RBFOX1: variants seen among roughly 807,000 people sequenced by gnomAD.
The protein encoded by RBFOX1 is RNA binding fox-1 homolog 1.
In RBFOX1, 8 loss-of-function variants were observed where a neutral mutation model predicts 57.7. The observed-to-expected ratio is 0.14, with a 90% CI of 0.08 to 0.25. The LOEUF (loss-of-function observed/expected upper bound fraction) is 0.25, where lower values mean the gene tolerates loss of function less well. Among genes scored for constraint, RBFOX1 ranks in the 10% least tolerant of loss-of-function variants. RBFOX1 has a pLI of 1.00. For synonymous variants in RBFOX1, 326 were observed against 222.4 expected (o/e 1.47, Z -4.15); for missense variants, 611 against 548.5 (o/e 1.11, Z -1.14).
At chr16:5,272,830 C>T (rs1468212737) in intron 1 of RBFOX1, among the ~76,000 whole-genome samples, 1 of 152,168 alleles carries the variant, frequency 6.6e-6, no homozygotes, top group African/African-American at 2.4e-5. Flanking sequence ...ATAACCTTCA[C>T]TCTTCTCTGC....
intron 2 of RBFOX1, among the ~76,000 whole-genome samples, chr16:6,643,632 T>C (rs1446823517): frequency 2.0e-5 from 3 of 152,196 alleles, no homozygotes; most frequent in Admixed American, 6.5e-5. Context: ...CAGTATATTG[T>C]GTAAGGGAGA....
At chr16:7,162,810 CCTT>C (rs746864217) in intron 4 of RBFOX1, among the ~76,000 whole-genome samples, 10 of 152,140 alleles carry the variant, frequency 6.6e-5, no homozygotes, top group Admixed American at 3.3e-4. Flanking sequence ...TCCTCTTTCT[CCTT>C]CTTCCTCATC....
At chr16:7,029,336 A>G (rs1278294899) in intron 3 of RBFOX1, among the ~76,000 whole-genome samples, 1 of 149,500 alleles carries the variant, frequency 6.7e-6, no homozygotes, top group East Asian at 2.0e-4. Flanking sequence ...GAAGAGCCAG[A>G]AGAGATTGGA....
chr16:7,513,221 C>A (rs568549812), intron 4 of RBFOX1, among the ~76,000 whole-genome samples: 1 of 152,022 alleles, frequency 6.6e-6, no homozygotes, highest in African/African-American at 2.4e-5. Context: ...CGAGAGCCTA[C>A]CATTGCACTC....
chr16:7,101,254 C>G (rs1168823246), intron 4 of RBFOX1, among the ~76,000 whole-genome samples: 1 of 152,116 alleles, frequency 6.6e-6, no homozygotes, highest in Non-Finnish European at 1.5e-5. Flanking sequence ...TAGAGAGAAA[C>G]CGAGTGAGTG....
intron 4 of RBFOX1, among the ~76,000 whole-genome samples, chr16:5,956,046 G>A (rs2059632066): frequency 6.6e-6 from 1 of 152,106 alleles, no homozygotes; most frequent in Non-Finnish European, 1.5e-5. Context: ...AGGATCACTT[G>A]AGGCCAAGAT....
intron 3 of RBFOX1, among the ~76,000 whole-genome samples, chr16:5,625,547 C>CTTAT (rs57608959): frequency 5.0e-5 from 7 of 140,168 alleles, no homozygotes; most frequent in South Asian, 4.2e-4. Flanking sequence ...TATTTATTTA[C>CTTAT]TTATTTATTT....
chr16:5,315,110 G>A (rs2064199653), intron 1 of RBFOX1, among the ~76,000 whole-genome samples: 1 of 152,140 alleles, frequency 6.6e-6, no homozygotes, highest in Non-Finnish European at 1.5e-5. Flanking sequence ...AATCATGATG[G>A]AACCATTTGG....
intron 2 of RBFOX1, among the ~76,000 whole-genome samples, chr16:6,405,222 C>G (rs2093233316): frequency 6.6e-6 from 1 of 152,168 alleles, no homozygotes; most frequent in South Asian, 2.1e-4. Context: ...GAGCAGATGG[C>G]TGGGATTTTA....
chr16:6,012,575 T>C (rs1446801635), intron 4 of RBFOX1, among the ~76,000 whole-genome samples: 2 of 152,230 alleles, frequency 1.3e-5, no homozygotes, highest in East Asian at 3.8e-4. Context: ...TCAGTAGTGC[T>C]AAGTTTAAGA....
Position 7,268,687 on chromosome 16 carries a change from A to C in RBFOX1, c.27+216589A>C, listed in dbSNP as rs144078349. 2.5e-4 allele frequency among the ~76,000 whole-genome samples: 38 copies of C among 152,168 alleles called. No homozygotes were observed. In the East Asian group the frequency reaches 5.6e-3, roughly 22 times the overall value. ...TCAATCCTGCCCATGTTTTATTTGG[A>C]AATTAGTACTAGAGCCTCCTTGGGA... On this transcript the variant is annotated intron_variant, in intron 4 of 15. Transcript: ENST00000550418.
chr16:7,139,680 A>G (rs1004654890), intron 4 of RBFOX1, among the ~76,000 whole-genome samples: 3 of 152,188 alleles, frequency 2.0e-5, no homozygotes, highest in African/African-American at 7.2e-5. Flanking sequence ...GGAGAGGAGA[A>G]TGTTTCAAGA....
intron 1 of RBFOX1, among the ~76,000 whole-genome samples, chr16:6,171,198 G>A (rs752006070): frequency 7.9e-5 from 12 of 152,074 alleles, no homozygotes; most frequent in Non-Finnish European, 1.5e-4. Context: ...GTCTATATAT[G>A]CAGGTATAAC....
At chr16:5,912,822 G>C (rs531843186) in intron 4 of RBFOX1, among the ~76,000 whole-genome samples, 2 of 152,174 alleles carry the variant, frequency 1.3e-5, no homozygotes, top group African/African-American at 4.8e-5. Flanking sequence ...GTTTGGCGAT[G>C]AAAGTGAAGT....
intron 2 of RBFOX1, among the ~76,000 whole-genome samples, chr16:5,565,243 C>T (rs936326655): frequency 3.3e-5 from 5 of 151,930 alleles, no homozygotes; most frequent in African/African-American, 9.7e-5. Flanking sequence ...TTCCAGATTT[C>T]AGAAGGAAAA....
At chr16:6,487,699 AAATATATATATATATATATATATATATAT>A (rs1383553985) in intron 2 of RBFOX1, among the ~76,000 whole-genome samples, 4 of 4,528 alleles carry the variant, frequency 8.8e-4, no homozygotes, top group South Asian at 0.023. Flanking sequence ...AAAAAAAAAA[AAATATATATATATATATATATATATATAT>A]ATATATATAT....
intron 4 of RBFOX1, among the ~76,000 whole-genome samples, chr16:7,396,137 C>G (rs532435253): frequency 5.3e-5 from 8 of 152,020 alleles, no homozygotes; most frequent in Admixed American, 6.6e-5. Flanking sequence ...TTGCCAATAA[C>G]CAGGGCGGAA....
At chr16:6,140,104 C>G (rs907800203) in intron 1 of RBFOX1, among the ~76,000 whole-genome samples, 2 of 152,064 alleles carry the variant, frequency 1.3e-5, no homozygotes, top group South Asian at 4.1e-4. Flanking sequence ...AGAAGAGAAT[C>G]AAGTCTTCTT....
intron 7 of RBFOX1, among the ~76,000 whole-genome samples, chr16:7,588,373 G>C (rs1291052376): frequency 6.6e-6 from 1 of 152,180 alleles, no homozygotes; most frequent in Non-Finnish European, 1.5e-5. Flanking sequence ...TCCCAAGTTA[G>C]GGCTCAGCAA....
Sources: gnomAD v4.1 joint callset for allele counts (sites outside exome capture counted in the v4.1 genomes callset) on GRCh38, gnomAD v4.1.1 for gene constraint, MANE v1.5 for transcripts, NCBI Gene and HGNC (gene_info 2026-07-23, HGNC 2026-07-21) for gene names.